Variants in TMEM178B observed in about 807,000 individuals in gnomAD.
The protein encoded by TMEM178B is transmembrane protein 178B.
In TMEM178B, 5 loss-of-function variants were observed where a neutral mutation model predicts 31.0. That is an observed-to-expected ratio of 0.16 (90% CI 0.08 to 0.34). The LOEUF is 0.34. Among genes scored for constraint, TMEM178B ranks in the 10% least tolerant of loss-of-function variants. The probability of loss-of-function intolerance (pLI) is 1.00; values close to 1 mark genes in which losing one functional copy is unlikely to be tolerated. For synonymous variants in TMEM178B, 164 were observed against 164.0 expected (o/e 1.00, Z 0.00); for missense variants, 275 against 400.3 (o/e 0.69, Z 2.67).
At chr7:141,510,326 G>A in the TMEM178B span, among the ~76,000 whole-genome samples, 4 of 152,202 alleles carry the variant, frequency 2.6e-5, no homozygotes, top group East Asian at 7.7e-4. Flanking sequence ...TAAAGGAAGG[G>A]CCAGGAGACC....
At chr7:141,453,323 C>T (rs1409492705) in intron 3 of TMEM178B, among the ~76,000 whole-genome samples, 1 of 152,192 alleles carries the variant, frequency 6.6e-6, no homozygotes, top group Admixed American at 6.5e-5. Context: ...ACTTCTTGGC[C>T]TTGGGTCCTT....
chr7:141,284,368 G>T, intron 2 of TMEM178B, among the ~76,000 whole-genome samples: 1 of 151,960 alleles, frequency 6.6e-6, no homozygotes, highest in South Asian at 2.1e-4. Context: ...ATTTCTAACT[G>T]CCCTAAATTT....
chr7:141,481,354 A>T (rs1228609355), downstream of TMEM178B, among the ~76,000 whole-genome samples: 1 of 152,184 alleles, frequency 6.6e-6, no homozygotes, highest in African/African-American at 2.4e-5. Context: ...CCAAACCTAG[A>T]TCTGGGCAGC....
At chr7:141,276,550 A>C (rs569969944) in intron 2 of TMEM178B, among the ~76,000 whole-genome samples, 1 of 152,040 alleles carries the variant, frequency 6.6e-6, no homozygotes, top group Non-Finnish European at 1.5e-5. Flanking sequence ...AAACCATCAG[A>C]TCTCATGAGA....
chr7:141,282,962 G>T (rs939635981), intron 2 of TMEM178B, among the ~76,000 whole-genome samples: 17 of 152,174 alleles, frequency 1.1e-4, no homozygotes, highest in African/African-American at 4.1e-4. Context: ...AGTCTAGTTT[G>T]CAAACTATCT....
intron 2 of TMEM178B, among the ~76,000 whole-genome samples, chr7:141,308,781 C>T (rs1489463735): frequency 2.0e-5 from 3 of 152,182 alleles, no homozygotes; most frequent in African/African-American, 7.2e-5. Flanking sequence ...GTGCAACCTG[C>T]CCGACGCTGG....
At chr7:141,130,969 C>T (rs1795585195) in intron 1 of TMEM178B, among the ~76,000 whole-genome samples, 1 of 152,204 alleles carries the variant, frequency 6.6e-6, no homozygotes. Context: ...CTGACCCTCT[C>T]CCACTGCTGC....
intron 2 of TMEM178B, among the ~76,000 whole-genome samples, chr7:141,289,654 G>A (rs1297184286): frequency 1.4e-5 from 2 of 147,128 alleles, no homozygotes; most frequent in African/African-American, 5.0e-5. Flanking sequence ...GGTGGAGGTT[G>A]CAGTGAACCA....
At chr7:141,349,955 G>GCATCCATCCATC (rs60758674) in intron 2 of TMEM178B, among the ~76,000 whole-genome samples, 18 of 150,230 alleles carry the variant, frequency 1.2e-4, no homozygotes, top group African/African-American at 3.9e-4. Context: ...ATGCATCCAT[G>GCATCCATCCATC]CATCCATCCA....
chr7:141,118,132 C>T (rs1795350026), intron 1 of TMEM178B, among the ~76,000 whole-genome samples: 1 of 152,208 alleles, frequency 6.6e-6, no homozygotes, highest in Non-Finnish European at 1.5e-5. Context: ...ACTCGATCAG[C>T]ACTGCAGATG....
intron 2 of TMEM178B, among the ~76,000 whole-genome samples, chr7:141,213,324 T>A (rs1797078545): frequency 6.6e-6 from 1 of 152,226 alleles, no homozygotes; most frequent in Non-Finnish European, 1.5e-5. Context: ...GAGACTTAAA[T>A]GACAACGAGA....
In TMEM178B at chr7:141,438,696, TAAAA is replaced by T. The variant is rs869132131; in HGVS notation, c.634+978_634+981del. On this transcript the variant is annotated intron_variant, in intron 3 of 3. Coordinates refer to ENST00000565468, the MANE Select transcript of TMEM178B (RefSeq NM_001195278.2). ...CAGCTTGGTAAAACCCCGTCTCTAC[TAAAA>T]AAAAAAAAAAAAAAAAAAAAAAAAA... 5.9e-3 allele frequency among the ~76,000 whole-genome samples: 170 copies of T among 28,998 alleles called. 1 individual carries two copies. Among genetic ancestry groups the T allele is most frequent in the Middle Eastern group, 0.038 (1 of 26 alleles). 19.0% of individuals were successfully genotyped at this position (28,998 alleles called of 152,430 possible). A position where few individuals can be genotyped will look rare whatever the true frequency, so the allele number is the denominator to read the frequency against.
intron 2 of TMEM178B, among the ~76,000 whole-genome samples, chr7:141,326,272 A>G (rs905523720): frequency 1.2e-4 from 19 of 152,182 alleles, no homozygotes; most frequent in Non-Finnish European, 1.5e-5. Flanking sequence ...TCTGAACCAA[A>G]CATGCATTAC....
chr7:141,304,336 G>T (rs1798777592), intron 2 of TMEM178B, among the ~76,000 whole-genome samples: 1 of 152,170 alleles, frequency 6.6e-6, no homozygotes, highest in Non-Finnish European at 1.5e-5. Context: ...GGATGGCAGA[G>T]CTCCGTTCTT....
intron 1 of TMEM178B, among the ~76,000 whole-genome samples, chr7:141,151,165 C>T (rs1422200188): frequency 3.9e-5 from 6 of 152,130 alleles, no homozygotes; most frequent in Admixed American, 2.0e-4. Flanking sequence ...CTGACTCTCC[C>T]CTTGGCGTTT....
intron 2 of TMEM178B, among the ~76,000 whole-genome samples, chr7:141,327,873 G>T (rs1325287180): frequency 6.6e-6 from 1 of 152,196 alleles, no homozygotes; most frequent in Non-Finnish European, 1.5e-5. Context: ...TCCATATAGA[G>T]TGTGTGTAAT....
chr7:141,197,908 C>T (rs1796810488), intron 1 of TMEM178B, among the ~76,000 whole-genome samples: 1 of 152,210 alleles, frequency 6.6e-6, no homozygotes, highest in Non-Finnish European at 1.5e-5. Context: ...GCTGGGATTA[C>T]AGGCATGAGC....
intron 1 of TMEM178B, among the ~76,000 whole-genome samples, chr7:141,086,898 G>T (rs1436200589): frequency 6.6e-6 from 1 of 151,984 alleles, no homozygotes; most frequent in Non-Finnish European, 1.5e-5. Context: ...ATGTTGGCCG[G>T]GCTCTTATCG....
At chr7:141,376,343 A>C (rs575189601) in intron 2 of TMEM178B, among the ~76,000 whole-genome samples, 5 of 152,230 alleles carry the variant, frequency 3.3e-5, no homozygotes, top group Non-Finnish European at 4.4e-5. Context: ...GGAAATAAAC[A>C]TTTGTTATAT....
Sources: allele counts gnomAD v4.1 joint callset (sites outside exome capture counted in the v4.1 genomes callset), GRCh38; gene constraint gnomAD v4.1.1; transcripts MANE v1.5; gene names NCBI Gene and HGNC (gene_info 2026-07-23, HGNC 2026-07-21).